The following DACH1 variants were observed in gnomAD, a reference collection of about 807,000 sequenced individuals.
The protein encoded by DACH1 is dachshund homolog 1.
DACH1 carries 12 observed loss-of-function variants against 54.2 expected under a neutral mutation model. The observed-to-expected ratio is 0.22, with a 90% confidence interval of 0.14 to 0.36. DACH1 has a LOEUF of 0.36. DACH1 is among the 10% of genes least tolerant of loss of function. The pLI is 1.00. For synonymous variants in DACH1, 386 were observed against 366.2 expected (o/e 1.05, Z -0.62); for missense variants, 805 against 929.8 (o/e 0.87, Z 1.75).
intron 1 of DACH1, among the ~76,000 whole-genome samples, chr13:71,838,709 A>T (rs1401261500): frequency 6.6e-6 from 1 of 152,162 alleles, no homozygotes; most frequent in Non-Finnish European, 1.5e-5. Flanking sequence ...TCTCAATGGT[A>T]TCATGATTTT....
At chr13:71,556,429 T>C (rs1339107070) in intron 6 of DACH1, among the ~76,000 whole-genome samples, 1 of 152,130 alleles carries the variant, frequency 6.6e-6, no homozygotes, top group Non-Finnish European at 1.5e-5. Flanking sequence ...CTGACTAAAA[T>C]ATTTTAATTT....
chr13:71,668,622 T>C (rs1401377256), intron 2 of DACH1, among the ~76,000 whole-genome samples: 2 of 152,036 alleles, frequency 1.3e-5, no homozygotes, highest in Non-Finnish European at 2.9e-5. Flanking sequence ...CAAAATTTTT[T>C]TTTTTAAAAA....
intron 2 of DACH1, among the ~76,000 whole-genome samples, chr13:71,669,177 C>T (rs1880062731): frequency 1.3e-5 from 2 of 152,154 alleles, no homozygotes; most frequent in African/African-American, 4.8e-5. Context: ...GGTACCCAAA[C>T]TCCAGGCCAC....
chr13:71,610,310 G>C (rs1316298431), intron 3 of DACH1, among the ~76,000 whole-genome samples: 1 of 152,076 alleles, frequency 6.6e-6, no homozygotes, highest in South Asian at 2.1e-4. Context: ...GTTTATATTC[G>C]CTTTACTGAA....
At chr13:71,465,284 C>G (rs1566275208) in intron 10 of DACH1, among the ~76,000 whole-genome samples, 1 of 151,978 alleles carries the variant, frequency 6.6e-6, no homozygotes. Flanking sequence ...TCATACAAAT[C>G]TGTATTGTAA....
At chr13:71,629,591 C>T in intron 3 of DACH1, among the ~76,000 whole-genome samples, 1 of 152,200 alleles carries the variant, frequency 6.6e-6, no homozygotes, top group Non-Finnish European at 1.5e-5. Context: ...ATACCCTTAA[C>T]TATGTCTTAA....
intron 6 of DACH1, among the ~76,000 whole-genome samples, chr13:71,502,532 A>G (rs924994097): frequency 6.6e-6 from 1 of 152,182 alleles, no homozygotes; most frequent in African/African-American, 2.4e-5. Context: ...TGATGCATGC[A>G]TTCTATGGGG....
At chr13:71,675,467 G>A (rs1419143991) in intron 2 of DACH1, 11 of 1,499,756 alleles carry the variant, frequency 7.3e-6, no homozygotes, top group Middle Eastern at 1.7e-4. Context: ...CGTGGAGAAC[G>A]TGCTTAAGAA....
intron 1 of DACH1, among the ~76,000 whole-genome samples, chr13:71,841,627 C>T (rs9572797): frequency 0.4 from 61,042 of 151,864 alleles, 14,911 homozygotes; most frequent in East Asian, 0.84. Flanking sequence ...GGTGGTTGTC[C>T]CACTCAAACA....
At chr13:71,611,779 C>T (rs1212304959) in intron 3 of DACH1, among the ~76,000 whole-genome samples, 3 of 152,068 alleles carry the variant, frequency 2.0e-5, no homozygotes, top group Non-Finnish European at 4.4e-5. Flanking sequence ...GGTATGAATT[C>T]ATCTCTAAAT....
At chr13:71,850,423 T>C (rs777375651) in intron 1 of DACH1, among the ~76,000 whole-genome samples, 10 of 152,186 alleles carry the variant, frequency 6.6e-5, no homozygotes, top group Non-Finnish European at 1.2e-4. Context: ...TTTGACTTGA[T>C]AGAAGATTCC....
At chr13:71,815,740 A>T (rs952681997) in intron 1 of DACH1, among the ~76,000 whole-genome samples, 1 of 152,210 alleles carries the variant, frequency 6.6e-6, no homozygotes, top group African/African-American at 2.4e-5. Flanking sequence ...ATAACCTTGA[A>T]CTACAGACTA....
chr13:71,798,891 T>C (rs1887168962), intron 1 of DACH1, among the ~76,000 whole-genome samples: 1 of 152,082 alleles, frequency 6.6e-6, no homozygotes, highest in African/African-American at 2.4e-5. Context: ...GGACTTCAGA[T>C]CCAGTTAATG....
At chr13:71,775,819 A>G (rs571875624) in intron 1 of DACH1, among the ~76,000 whole-genome samples, 10 of 152,280 alleles carry the variant, frequency 6.6e-5, no homozygotes, top group African/African-American at 2.4e-4. Context: ...TAGTATTTTC[A>G]ATTTTAAATA....
At chr13:71,857,699 T>C (rs1874095334) in intron 1 of DACH1, among the ~76,000 whole-genome samples, 2 of 151,736 alleles carry the variant, frequency 1.3e-5, no homozygotes, top group African/African-American at 2.4e-5. Flanking sequence ...AATAAAAGTG[T>C]TCCAGGTTAT....
chr13:71,672,577 A>G (rs2138679475), intron 2 of DACH1, among the ~76,000 whole-genome samples: 1 of 152,312 alleles, frequency 6.6e-6, no homozygotes, highest in Non-Finnish European at 1.5e-5. Context: ...GGCTAGCTTC[A>G]GAGAGGAAAG....
intron 6 of DACH1, among the ~76,000 whole-genome samples, chr13:71,536,860 T>G (rs573212876): frequency 6.6e-6 from 1 of 152,096 alleles, no homozygotes; most frequent in Non-Finnish European, 1.5e-5. Flanking sequence ...TCTCTCCACT[T>G]TAATTGCCAA....
chr13:71,554,740 T>C (rs923924900), intron 6 of DACH1, among the ~76,000 whole-genome samples: 1 of 152,144 alleles, frequency 6.6e-6, no homozygotes, highest in Non-Finnish European at 1.5e-5. Context: ...AGGATAGCAA[T>C]GAAGAAATAA....
At chr13:71,687,359 C>T (rs1306530714) in intron 1 of DACH1, among the ~76,000 whole-genome samples, 3 of 151,852 alleles carry the variant, frequency 2.0e-5, no homozygotes, top group African/African-American at 7.3e-5. Flanking sequence ...TTTATGGTAA[C>T]ATACAGGAAT....
Sources: allele counts gnomAD v4.1 joint callset (sites outside exome capture counted in the v4.1 genomes callset), GRCh38; gene constraint gnomAD v4.1.1; transcripts MANE v1.5; gene names NCBI Gene and HGNC (gene_info 2026-07-23, HGNC 2026-07-21).